Variants in LCOR observed in about 807,000 individuals in gnomAD.
LCOR encodes the protein ligand-dependent corepressor.
LCOR carries 14 observed loss-of-function variants against 64.4 expected under a neutral mutation model. That is an observed-to-expected ratio of 0.22 (90% CI 0.14 to 0.34). The LOEUF (loss-of-function observed/expected upper bound fraction) is 0.34, where lower values mean the gene tolerates loss of function less well. Among genes scored for constraint, LCOR ranks in the 10% least tolerant of loss-of-function variants. The probability of loss-of-function intolerance (pLI) is 1.00; values close to 1 mark genes in which losing one functional copy is unlikely to be tolerated. For missense variants in LCOR, 1,686 were observed against 1,765.3 expected, an observed-to-expected ratio of 0.96 and a Z score of 0.80; for synonymous variants, 643 against 642.5, an observed-to-expected ratio of 1.00 and a Z score of -0.01.
Position 96,882,470 on chromosome 10 carries a change from T to G in LCOR, c.-329-24795T>G, listed in dbSNP as rs1846279055. ...AGTAATTTTAGTTTCACAGCAAAATTGAGCAGAAAGTAGTGTTCCTATATA... is the reference window on the plus strand; with the variant it reads ...AGTAATTTTAGTTTCACAGCAAAATGGAGCAGAAAGTAGTGTTCCTATATA... On this transcript the variant is annotated intron_variant, in intron 2 of 7. Transcript: ENST00000421806. 2.6e-5 allele frequency among the ~76,000 whole-genome samples: 4 copies of G among 152,198 alleles called. 1 individual carries two copies. In the South Asian group the frequency reaches 8.3e-4, roughly 31 times the overall value.
chr10:96,936,617 T>C (rs1286298117), intron 4 of LCOR, among the ~76,000 whole-genome samples: 37 of 152,176 alleles, frequency 2.4e-4, no homozygotes, highest in Admixed American at 2.4e-3. Context: ...TTTGATGAAA[T>C]AGGCAAATTC....
intron 2 of LCOR, among the ~76,000 whole-genome samples, chr10:96,844,271 C>G (rs1241125840): frequency 1.3e-5 from 2 of 151,528 alleles, no homozygotes; most frequent in Non-Finnish European, 2.9e-5. Context: ...CTGCCTTAGC[C>G]TCCCTAGTAG....
In LCOR at chr10:96,948,992, A is replaced by C; in HGVS notation, c.-50-16A>C. On this transcript the variant is annotated splice_polypyrimidine_tract_variant and intron_variant, in intron 5 of 7. Transcript: ENST00000421806. ...ACATTGTCCCACTTTAAAAGTAAAT[A>C]AATCTTTATTTACAGACAGTCCCTG... 6.4e-7 allele frequency: 1 copy of C among 1,558,778 alleles called. No individual in the cohort carries two copies. The highest frequency in any genetic ancestry group is 8.7e-7 in the Non-Finnish European group (1 of 1,150,480).
intron 4 of LCOR, among the ~76,000 whole-genome samples, chr10:96,939,691 G>A (rs755836349): frequency 6.6e-6 from 1 of 152,216 alleles, no homozygotes; most frequent in Middle Eastern, 3.2e-3. Flanking sequence ...TAGGCCGGGC[G>A]CGGGGCCCAC....
chr10:96,871,367 T>C (rs960936122), intron 2 of LCOR, among the ~76,000 whole-genome samples: 2 of 152,028 alleles, frequency 1.3e-5, no homozygotes, highest in Non-Finnish European at 2.9e-5. Flanking sequence ...CAATTTTTTT[T>C]TTTCCTAAAG....
At position 96,983,578 on chromosome 10, in the gene LCOR, A is replaced by G; in HGVS notation, c.3118A>G (p.Thr1040Ala). ...AAGGCCTAAAAGATTGACCTCTTCA[A>G]CCTACAACCTAAGACACGCTCATTC... The part of the protein sequence containing the change: ...VPRPKRLTSS[T>A]YNLRHAHSLG... The change falls in exon 8 of 8, where the codon ACC (threonine) becomes GCC (alanine). Residue 1040 changes from threonine (T) to alanine (A), a missense_variant. By Grantham distance (58) the Thr-to-Ala change is moderately conservative. This residue lies in a region of LCOR where 1,293 missense variants were observed against 1,410.4 expected (regional missense o/e 0.92). Coordinates refer to ENST00000421806, the MANE Select transcript of LCOR (RefSeq NM_001346516.2). The surrounding 1 kb of genome is among the most constrained non-coding windows in gnomAD (Gnocchi z 4.5). 4.3e-6 allele frequency: 7 copies of G among 1,614,204 alleles called. No homozygotes were observed. The highest frequency in any genetic ancestry group is 4.2e-6 in the Non-Finnish European group (5 of 1,180,036).
chr10:96,849,858 CTTTTTTTTT>C (rs964263701), intron 2 of LCOR, among the ~76,000 whole-genome samples: 1 of 115,692 alleles, frequency 8.6e-6, no homozygotes, highest in Non-Finnish European at 1.8e-5. Flanking sequence ...GTGTCACTCA[CTTTTTTTTT>C]TTTTTTTTTT....
At chr10:96,876,157 T>A (rs1846161003) in intron 2 of LCOR, among the ~76,000 whole-genome samples, 1 of 152,192 alleles carries the variant, frequency 6.6e-6, no homozygotes, top group Admixed American at 6.5e-5. Flanking sequence ...TCTTAATAGC[T>A]GTGAAGTCTG....
At chr10:96,950,958 C>T (rs1392293305) in intron 6 of LCOR, among the ~76,000 whole-genome samples, 1 of 152,054 alleles carries the variant, frequency 6.6e-6, no homozygotes, top group Admixed American at 6.5e-5. Flanking sequence ...GTACTAGTGA[C>T]TGTAAAGGAC....
intron 4 of LCOR, among the ~76,000 whole-genome samples, chr10:96,931,232 T>A (rs1414389077): frequency 8.1e-6 from 1 of 123,232 alleles, no homozygotes; most frequent in East Asian, 2.9e-4. Flanking sequence ...GCACTGGTAT[T>A]TTTTTTTTTT....
At chr10:96,922,985 A>T (rs533586796) in intron 4 of LCOR, among the ~76,000 whole-genome samples, 89 of 152,352 alleles carry the variant, frequency 5.8e-4, no homozygotes, top group Non-Finnish European at 1.1e-3. Context: ...ACGTTGACAT[A>T]TGGCAAAGAT....
At chr10:96,914,871 A>C (rs1053251413) in intron 4 of LCOR, among the ~76,000 whole-genome samples, 1 of 152,230 alleles carries the variant, frequency 6.6e-6, no homozygotes, top group African/African-American at 2.4e-5. Flanking sequence ...TCAGTGCATC[A>C]CTGGGAAGTC....
At chr10:96,940,334 T>A (rs11188973) in intron 4 of LCOR, among the ~76,000 whole-genome samples, 6,547 of 110,596 alleles carry the variant, frequency 0.059, 380 homozygotes, top group East Asian at 0.27. Context: ...TTTTTTTTTT[T>A]ATTGATCATT....
Position 96,983,611 on chromosome 10 carries a change from T to A in LCOR, c.3151T>A (p.Ser1051Thr). The A allele has an allele frequency of 1.2e-6, 2 of 1,614,172 alleles. No individual in the cohort carries two copies. Among genetic ancestry groups the A allele is most frequent in the Middle Eastern group, 3.3e-4 (2 of 6,062 alleles). The change falls in exon 8 of 8, where the codon TCC becomes ACC. Residue 1051 changes from serine (S) to threonine (T), a missense_variant. Around this residue, in one of 3 missense-constraint regions of LCOR, gnomAD observed 1,293 missense variants for 1,410.4 expected, o/e 0.92. Coordinates refer to ENST00000421806, the MANE Select transcript of LCOR (RefSeq NM_001346516.2). This position sits in a 1 kb window ranked among gnomAD's most constrained non-coding sequence, Gnocchi z 4.5. The stretch of plus-strand genomic sequence containing the variant: ...CCTAAGACACGCTCATTCTCTGGGC[T>A]CCTTGGATGCTTCAAAAGTGACTTC... ...YNLRHAHSLG[S>T]LDASKVTSEK... is the part of the protein sequence containing the mutation.
At position 96,899,439 on chromosome 10, in the gene LCOR, G is replaced by A. The variant is rs960776551; in HGVS notation, c.-329-7826G>A. Among the ~76,000 whole-genome samples the A allele has an allele frequency of 2.6e-5, 4 of 151,870 alleles. No individual in the cohort carries two copies. In the South Asian group the frequency reaches 8.3e-4, roughly 32 times the overall value. On this transcript the variant is annotated intron_variant, in intron 2 of 7. Transcript: ENST00000421806. ...AGATTTAAAAAATAATATTCTTGAT[G>A]GCTTTGTGAATAGAAAAGGTAATGC...
chr10:96,935,944 G>A (rs545953015), intron 4 of LCOR, among the ~76,000 whole-genome samples: 20 of 152,266 alleles, frequency 1.3e-4, no homozygotes, highest in Non-Finnish European at 2.8e-4. Context: ...GAATAGTTAA[G>A]AGACACCTGG....
chr10:96,833,537 C>T (rs1845385353), intron 2 of LCOR, 58 bp downstream of exon 2: 9 of 732,158 alleles, frequency 1.2e-5, no homozygotes, highest in Non-Finnish European at 1.5e-5. Context: ...CCAGTCCATC[C>T]TTGTGTCTGA....
At chr10:96,964,873 G>T (rs3814162) in intron 7 of LCOR, among the ~76,000 whole-genome samples, 53,362 of 151,838 alleles carry the variant, frequency 0.35, 13,346 homozygotes, top group African/African-American at 0.7. Flanking sequence ...GTTTGCTTTT[G>T]TCTTGAGGCA....
chr10:96,982,976 C>T lies in LCOR; in HGVS notation c.2516C>T (p.Ser839Phe). Residue 839 changes from serine (S) to phenylalanine (F), a missense_variant, in exon 8 of 8, where the codon TCC (serine) becomes TTC (phenylalanine). Physicochemically the swap from Ser to Phe is radical, Grantham distance 155. This residue lies in a region of LCOR where 1,293 missense variants were observed against 1,410.4 expected (regional missense o/e 0.92). Coordinates refer to ENST00000421806, the MANE Select transcript of LCOR (RefSeq NM_001346516.2). ...RCLRNQSSDS[S>F]SACLEIKVPK... ...CTAAGAAATCAGAGTTCAGATTCTT[C>T]CTCAGCTTGTCTTGAAATCAAAGTT... 6.2e-7 allele frequency: 1 copy of T among 1,613,014 alleles called. No homozygotes were observed. Among genetic ancestry groups the T allele is most frequent in the Non-Finnish European group, 8.5e-7 (1 of 1,179,730 alleles).
Sources: allele counts gnomAD v4.1 joint callset (sites outside exome capture counted in the v4.1 genomes callset), GRCh38; gene constraint gnomAD v4.1.1; regional missense constraint gnomAD v4.1.1; non-coding constraint Gnocchi (gnomAD v3.1); transcripts MANE v1.5; gene names NCBI Gene and HGNC (gene_info 2026-07-23, HGNC 2026-07-21).